Variants in FAT4 observed in about 807,000 individuals in gnomAD.
FAT4 encodes protocadherin Fat 4.
A neutral mutation model predicts 303.9 loss-of-function variants in FAT4; 84 were observed. That is an observed-to-expected ratio of 0.28 (90% CI 0.23 to 0.33). FAT4 has a LOEUF of 0.33. Ranked by LOEUF, FAT4 falls within the 10% of genes least tolerant of loss-of-function variation. FAT4 has a pLI of 1.00. For missense variants in FAT4, 6,005 were observed against 6,146.8 expected (o/e 0.98, Z 0.77); for synonymous variants, 2,307 against 2,298.8 (o/e 1.00, Z -0.10).
intron 3 of FAT4, among the ~76,000 whole-genome samples, chr4:125,403,278 G>C (rs1734459540): frequency 1.3e-5 from 2 of 152,184 alleles, no homozygotes; most frequent in South Asian, 4.1e-4. Flanking sequence ...GAGAGGTTAA[G>C]TATGTGGTCC....
chr4:125,332,519 C>T (rs1169745014), intron 2 of FAT4, among the ~76,000 whole-genome samples: 2 of 152,134 alleles, frequency 1.3e-5, no homozygotes, highest in Non-Finnish European at 2.9e-5. Flanking sequence ...GTTTCATTTT[C>T]ATTTGATTTA....
chr4:125,489,905 T>G lies in FAT4; in HGVS notation c.13089T>G (p.Gly4363=). Residue 4363 remains glycine (G), a synonymous_variant, in exon 18 of 18, where the codon GGT becomes GGG. Transcript: ENST00000394329. ...TACTCCTTCTTCTTCTCCCAGCAGG[T>G]TTTGATGGCTGCATTGCTTCTATGT... ...NQAHRDAQTA[G]FDGCIASMWY... The G allele has an allele frequency of 7.5e-7, 1 of 1,330,048 alleles. No homozygotes were observed. The highest frequency in any genetic ancestry group is 1.6e-5 in the African/African-American group (1 of 64,062). 82.4% of individuals were successfully genotyped at this position (1,330,048 alleles called of 1,614,324 possible). A position where few individuals can be genotyped will look rare whatever the true frequency, so the allele number is the denominator to read the frequency against.
chr4:125,383,541 A>T (rs892521784), intron 2 of FAT4, among the ~76,000 whole-genome samples: 1 of 151,786 alleles, frequency 6.6e-6, no homozygotes, highest in Non-Finnish European at 1.5e-5. Context: ...AAAAAGTTTG[A>T]TGTATTGTAA....
chr4:125,340,008 A>C (rs1731722711), intron 2 of FAT4, among the ~76,000 whole-genome samples: 1 of 152,152 alleles, frequency 6.6e-6, no homozygotes, highest in African/African-American at 2.4e-5. Flanking sequence ...TCGTGAATAA[A>C]AATAGTTTGA....
intron 2 of FAT4, among the ~76,000 whole-genome samples, chr4:125,343,975 A>G (rs567446351): frequency 1.3e-5 from 2 of 152,282 alleles, no homozygotes; most frequent in Admixed American, 6.5e-5. Flanking sequence ...AAGACTTGGT[A>G]TGGGATGTGA....
At chr4:125,391,142 A>C (rs1317865851) in intron 2 of FAT4, among the ~76,000 whole-genome samples, 2 of 152,198 alleles carry the variant, frequency 1.3e-5, no homozygotes, top group African/African-American at 4.8e-5. Context: ...CAGAAGTACC[A>C]TTTGACCCAG....
chr4:125,352,829 A>G (rs948078689), intron 2 of FAT4, among the ~76,000 whole-genome samples: 1 of 151,768 alleles, frequency 6.6e-6, no homozygotes, highest in African/African-American at 2.4e-5. Context: ...CTTTAAAAGA[A>G]AAAATGCCAG....
At chr4:125,438,136 T>C (rs578062536) in intron 8 of FAT4, among the ~76,000 whole-genome samples, 1 of 152,330 alleles carries the variant, frequency 6.6e-6, no homozygotes, top group African/African-American at 2.4e-5. Context: ...AGACAGTATA[T>C]AGAATATTAC....
At position 125,490,159 on chromosome 4, in the gene FAT4, A is replaced by C. The variant is rs1448113913; in HGVS notation, c.13343A>C (p.His4448Pro). The C allele has an allele frequency of 6.2e-7, 1 of 1,613,922 alleles. No homozygotes were observed. The highest frequency in any genetic ancestry group is 2.2e-5 in the East Asian group (1 of 44,832). ...GGTGGCAGCTGTGAGCCAGGCCTGCACTCCGGCTTCACCTGTAGCTGCCCA... is the reference window on the plus strand; with the variant it reads ...GGTGGCAGCTGTGAGCCAGGCCTGCCCTCCGGCTTCACCTGTAGCTGCCCA... ...QNGGSCEPGLHSGFTCSCPDS... is the reference protein window; with the variant it reads ...QNGGSCEPGLPSGFTCSCPDS... The change falls in exon 18 of 18, where the codon CAC (histidine) becomes CCC (proline). Residue 4448 changes from histidine (H) to proline (P), a missense_variant. Transcript: ENST00000394329.
chr4:125,371,965 A>T (rs1444785325), intron 2 of FAT4, among the ~76,000 whole-genome samples: 3 of 152,090 alleles, frequency 2.0e-5, no homozygotes, highest in African/African-American at 7.2e-5. Flanking sequence ...AGTGCCTAGG[A>T]CAGAACCTGG....
intron 3 of FAT4, among the ~76,000 whole-genome samples, chr4:125,404,697 G>A (rs959721334): frequency 2.6e-5 from 4 of 152,096 alleles, no homozygotes; most frequent in Admixed American, 6.6e-5. Context: ...CATAAGTGAA[G>A]ATGTATACCC....
chr4:125,354,874 A>C (rs1437478719), intron 2 of FAT4, among the ~76,000 whole-genome samples: 1 of 151,810 alleles, frequency 6.6e-6, no homozygotes, highest in African/African-American at 2.4e-5. Flanking sequence ...TGTTCAAAGC[A>C]GTACTCCTAG....
chr4:125,408,255 C>T (rs1734698327), intron 4 of FAT4, among the ~76,000 whole-genome samples, 189 bp from the exon 5 acceptor site: 1 of 152,098 alleles, frequency 6.6e-6, no homozygotes, highest in African/African-American at 2.4e-5. Context: ...TGATATGTCA[C>T]ATACTGTATT....
chr4:125,384,362 T>A (rs897380396), intron 2 of FAT4, among the ~76,000 whole-genome samples: 1 of 152,216 alleles, frequency 6.6e-6, no homozygotes, highest in Admixed American at 6.5e-5. Flanking sequence ...ATATAGCCAT[T>A]TTTATGTGTG....
Position 125,450,478 on chromosome 4 carries a change from T to C in FAT4, c.9468T>C (p.Tyr3156=). 6.2e-7 allele frequency: 1 copy of C among 1,614,028 alleles called. No individual in the cohort carries two copies. Among genetic ancestry groups the C allele is most frequent in the Non-Finnish European group, 8.5e-7 (1 of 1,179,908 alleles). The change falls in exon 10 of 18, where the codon TAT becomes TAC. Residue 3156 remains tyrosine (Y), a synonymous_variant. Coordinates refer to ENST00000394329, the MANE Select transcript of FAT4 (RefSeq NM_001291303.3). The stretch of plus-strand genomic sequence containing the variant: ...TAACACTAGCCAAAGCTCTTGATTA[T>C]GAGCTATGCCAGAAACACGAAATGA... The part of the protein sequence containing the change: ...GILTLAKALD[Y]ELCQKHEMTI...
At chr4:125,473,730 A>G (rs1049050454) in intron 12 of FAT4, among the ~76,000 whole-genome samples, 1 of 152,074 alleles carries the variant, frequency 6.6e-6, no homozygotes, top group African/African-American at 2.4e-5. Context: ...TTTAAACTTC[A>G]TGAGCATTTG....
intron 2 of FAT4, among the ~76,000 whole-genome samples, chr4:125,338,480 A>T (rs900711308): frequency 9.2e-5 from 14 of 152,302 alleles, no homozygotes; most frequent in Non-Finnish European, 1.9e-4. Flanking sequence ...GGATTTAAAT[A>T]TGCATAGTTC....
At chr4:125,364,556 G>C (rs1324434329) in intron 2 of FAT4, among the ~76,000 whole-genome samples, 1 of 152,002 alleles carries the variant, frequency 6.6e-6, no homozygotes, top group Non-Finnish European at 1.5e-5. Context: ...AAGGAGTCTC[G>C]GTGGAAGTGA....
chr4:125,463,305 C>G (rs1021336979), intron 10 of FAT4, among the ~76,000 whole-genome samples: 1 of 151,956 alleles, frequency 6.6e-6, no homozygotes, highest in African/African-American at 2.4e-5. Flanking sequence ...TGTCATTTCT[C>G]TGCAAACAGT....
Sources: gnomAD v4.1 joint callset for allele counts (sites outside exome capture counted in the v4.1 genomes callset) on GRCh38, gnomAD v4.1.1 for gene constraint, MANE v1.5 for transcripts, NCBI Gene and HGNC (gene_info 2026-07-23, HGNC 2026-07-21) for gene names.